The following THOC2 variants were observed in gnomAD, a reference collection of about 807,000 sequenced individuals.
THOC2 encodes THO complex 2.
In THOC2, 10 loss-of-function variants were observed where a neutral mutation model predicts 128.4. That is an observed-to-expected ratio of 0.08 (90% confidence interval 0.05 to 0.13). The LOEUF (loss-of-function observed/expected upper bound fraction) is 0.13. Among genes scored for constraint, THOC2 ranks in the 10% least tolerant of loss-of-function variants. The pLI, the probability that THOC2 is intolerant of heterozygous loss-of-function variation, is 1.00. For synonymous variants in THOC2, 393 were observed against 396.9 expected, an observed-to-expected ratio of 0.99 and a Z score of 0.12; for missense variants, 535 against 1,155.7, an observed-to-expected ratio of 0.46 and a Z score of 7.79.
At chrX:123,641,416 G>A (rs759972159) in intron 15 of THOC2, among the ~76,000 whole-genome samples, 1 of 112,005 alleles carries the variant, frequency 8.9e-6, no homozygotes, top group Non-Finnish European at 1.9e-5. Context: ...TCCAAGTGAC[G>A]AACTTGCTTT....
intron 8 of THOC2, among the ~76,000 whole-genome samples, chrX:123,683,238 G>C (rs1479848737): frequency 2.7e-5 from 3 of 111,014 alleles, no homozygotes; most frequent in African/African-American, 9.8e-5. Context: ...TTGTGGATTT[G>C]GGATGCTCAA....
intron 1 of THOC2, among the ~76,000 whole-genome samples, chrX:123,730,661 T>C (rs1166011998): frequency 8.9e-6 from 1 of 112,066 alleles, no homozygotes; most frequent in Non-Finnish European, 1.9e-5. Context: ...ATAGCCCTAA[T>C]ACCACTCATG....
chrX:123,691,215 AC>A (rs2050210802), intron 7 of THOC2, among the ~76,000 whole-genome samples: 3 of 111,896 alleles, frequency 2.7e-5, no homozygotes, highest in Non-Finnish European at 3.8e-5. Context: ...CTGTCTCAAA[AC>A]AAAAATAAAA....
intron 12 of THOC2, among the ~76,000 whole-genome samples, chrX:123,652,560 A>C (rs1316913327): frequency 8.9e-6 from 1 of 112,158 alleles, no homozygotes; most frequent in Non-Finnish European, 1.9e-5. Flanking sequence ...AATCTCCTTA[A>C]GCTGATAAGC....
At chrX:123,698,696 G>A (rs1384753958) in intron 4 of THOC2, among the ~76,000 whole-genome samples, 2 of 108,189 alleles carry the variant, frequency 1.8e-5, no homozygotes, top group Non-Finnish European at 3.8e-5. Context: ...GCAACATGAT[G>A]AAACCCCGTC....
chrX:123,635,606 T>C (rs928892758), intron 19 of THOC2, among the ~76,000 whole-genome samples: 3 of 111,691 alleles, frequency 2.7e-5, no homozygotes, highest in African/African-American at 9.7e-5. Flanking sequence ...AAAAAGGACA[T>C]TGTCCAAAAG....
intron 19 of THOC2, 60 bp from the exon 20 acceptor site, chrX:123,634,130 T>A (rs1001486516): frequency 5.2e-4 from 335 of 644,481 alleles, no homozygotes; most frequent in Non-Finnish European, 6.7e-4. Context: ...AAAGTAACAA[T>A]GTATTGTAAT....
At chrX:123,689,662 C>T (rs781442674) in intron 7 of THOC2, among the ~76,000 whole-genome samples, 3 of 111,429 alleles carry the variant, frequency 2.7e-5, no homozygotes, top group African/African-American at 6.5e-5. Context: ...TCAAGTGATC[C>T]TCCTGCCTTA....
chrX:123,648,532 C>A (rs911138708), intron 12 of THOC2, among the ~76,000 whole-genome samples: 4 of 112,113 alleles, frequency 3.6e-5, no homozygotes, highest in Non-Finnish European at 5.6e-5. Flanking sequence ...AGATCCCACC[C>A]CCACGGAGCC....
At chrX:123,617,889 T>C (rs1179492797) in intron 33 of THOC2, among the ~76,000 whole-genome samples, 2 of 111,872 alleles carry the variant, frequency 1.8e-5, no homozygotes, top group African/African-American at 6.5e-5. Flanking sequence ...AAAAACCTAC[T>C]ATATTGCAGT....
intron 1 of THOC2, among the ~76,000 whole-genome samples, chrX:123,720,892 T>C (rs185035444): frequency 1.1e-3 from 127 of 111,333 alleles, no homozygotes; most frequent in African/African-American, 3.8e-3. Flanking sequence ...AGAATGGTGG[T>C]TGTCAGAGGC....
intron 28 of THOC2, 60 bp downstream of exon 28, chrX:123,623,727 G>A: frequency 8.3e-7 from 1 of 1,200,846 alleles, no homozygotes; most frequent in Middle Eastern, 2.3e-4. Flanking sequence ...ACATTTTAAA[G>A]TCTTCAGAAT....
intron 12 of THOC2, among the ~76,000 whole-genome samples, chrX:123,654,370 G>A (rs2048482615): frequency 1.8e-5 from 2 of 108,512 alleles, no homozygotes; most frequent in Non-Finnish European, 3.8e-5. Context: ...AAACATGCAC[G>A]TTCTGCACAT....
chrX:123,698,331 G>C (rs756801353), intron 4 of THOC2, among the ~76,000 whole-genome samples: 1 of 109,415 alleles, frequency 9.1e-6, no homozygotes, highest in African/African-American at 3.3e-5. Context: ...GGTGGCACAC[G>C]CCTGTAATTG....
intron 12 of THOC2, among the ~76,000 whole-genome samples, chrX:123,661,320 G>A (rs2048818300): frequency 9.0e-6 from 1 of 111,244 alleles, no homozygotes; most frequent in African/African-American, 3.3e-5. Context: ...CAGGAGAATT[G>A]CTTGAACCCA....
intron 11 of THOC2, among the ~76,000 whole-genome samples, chrX:123,666,506 C>T (rs1302797657): frequency 9.0e-6 from 1 of 111,550 alleles, no homozygotes; most frequent in African/African-American, 3.3e-5. Flanking sequence ...ACACAAAAGT[C>T]ACAAGGCTGA....
At chrX:123,624,708 AG>A (rs2047197776) in intron 25 of THOC2, 39 bp from the exon 26 acceptor site, 1 of 1,154,615 alleles carries the variant, frequency 8.7e-7, no homozygotes, top group Non-Finnish European at 1.2e-6. Context: ...AAACAAATCA[AG>A]GTCAAAATCA....
chrX:123,703,040 T>A (rs2050769507), intron 4 of THOC2, among the ~76,000 whole-genome samples: 2 of 111,637 alleles, frequency 1.8e-5, no homozygotes, highest in Non-Finnish European at 3.8e-5. Flanking sequence ...CTTTGGCTCT[T>A]CTTGCTCTTT....
intron 13 of THOC2, 74 bp from the exon 14 acceptor site, chrX:123,644,983 C>T: frequency 4.4e-6 from 4 of 908,846 alleles, no homozygotes; most frequent in African/African-American, 4.0e-5. Context: ...TTATAACAGC[C>T]TTGGGAAAAT....
Sources: gnomAD v4.1 joint callset for allele counts (sites outside exome capture counted in the v4.1 genomes callset) on GRCh38, gnomAD v4.1.1 for gene constraint, MANE v1.5 for transcripts, NCBI Gene and HGNC (gene_info 2026-07-23, HGNC 2026-07-21) for gene names.